NARS2: variants seen among roughly 807,000 people sequenced by gnomAD.
The protein encoded by NARS2 is asparaginyl-tRNA synthetase 2, mitochondrial.
In NARS2, 60 loss-of-function variants were observed where a neutral mutation model predicts 62.9. The ratio of observed to expected loss-of-function variants is 0.95; its 90% confidence interval spans 0.77 to 1.18. NARS2 has a LOEUF of 1.18. NARS2 is among the 50% of genes most tolerant of loss of function. NARS2 has a pLI of 0.00. For missense variants in NARS2, 619 were observed against 576.4 expected (o/e 1.07, Z -0.76); for synonymous variants, 196 against 200.0 (o/e 0.98, Z 0.17).
intron 11 of NARS2, among the ~76,000 whole-genome samples, chr11:78,450,366 A>G (rs1002542755): frequency 5.3e-5 from 8 of 152,238 alleles, no homozygotes; most frequent in African/African-American, 1.7e-4. Flanking sequence ...ATCTGGATAC[A>G]GTCCCACACC....
At chr11:78,533,741 T>C (rs908989351) in intron 5 of NARS2, among the ~76,000 whole-genome samples, 3 of 152,168 alleles carry the variant, frequency 2.0e-5, no homozygotes, top group African/African-American at 7.2e-5. Flanking sequence ...CTGACATGTA[T>C]CCACCACTAC....
At chr11:78,547,794 AAAT>A (rs1490197044) in intron 5 of NARS2, among the ~76,000 whole-genome samples, 2 of 152,228 alleles carry the variant, frequency 1.3e-5, no homozygotes, top group East Asian at 1.9e-4. Context: ...TGCCGTTAGA[AAAT>A]AATAATAAGT....
At position 78,468,262 on chromosome 11, in the gene NARS2, C is replaced by T. The variant is rs376003967; in HGVS notation, c.1026+985G>A. On this transcript the variant is annotated intron_variant, in intron 10 of 13. Transcript: ENST00000281038. ...GAGTGGCTCATAAACTAAAAGGCTC[C>T]GTAAAGTTCAACTGAAAAACAAACC... Among the ~76,000 whole-genome samples the T allele has an allele frequency of 4.1e-5, 5 of 123,224 alleles. 1 individual carries two copies. The highest frequency in any genetic ancestry group is 9.3e-5 in the Admixed American group (1 of 10,792). The allele number at this position is 123,224 out of a possible 152,430, so 80.8% of individuals were successfully genotyped here.
intron 6 of NARS2, among the ~76,000 whole-genome samples, chr11:78,505,049 C>A (rs11237525): frequency 6.7e-6 from 1 of 149,366 alleles, no homozygotes; most frequent in East Asian, 2.0e-4. Flanking sequence ...TAAATTTTTA[C>A]AATTTTGACT....
chr11:78,491,378 T>C (rs1440438449), intron 7 of NARS2, among the ~76,000 whole-genome samples: 2 of 75,212 alleles, frequency 2.7e-5, no homozygotes, highest in South Asian at 4.3e-4. Context: ...TGAAATGCTA[T>C]ATTGTGTGGC....
At chr11:78,437,638 A>T (rs1857448690) in intron 13 of NARS2, among the ~76,000 whole-genome samples, 1 of 152,178 alleles carries the variant, frequency 6.6e-6, no homozygotes, top group Non-Finnish European at 1.5e-5. Context: ...ATATTTTATT[A>T]TGTCATTTTG....
At chr11:78,528,235 T>C (rs1292045265) in intron 6 of NARS2, among the ~76,000 whole-genome samples, 1 of 151,906 alleles carries the variant, frequency 6.6e-6, no homozygotes, top group Non-Finnish European at 1.5e-5. Context: ...CTAAAAAAAA[T>C]AAAAATAAAT....
intron 5 of NARS2, among the ~76,000 whole-genome samples, chr11:78,559,301 CAAAAAAAAA>C (rs10627726): frequency 2.1e-4 from 12 of 58,446 alleles, no homozygotes; most frequent in Middle Eastern, 0.022. Context: ...GACTCCATCT[CAAAAAAAAA>C]AAAAAAAAAA....
intron 6 of NARS2, among the ~76,000 whole-genome samples, chr11:78,508,536 C>T (rs540230418): frequency 2.0e-5 from 3 of 150,760 alleles, no homozygotes; most frequent in Non-Finnish European, 4.4e-5. Context: ...TTGCAGTGAG[C>T]TGAGATCATG....
chr11:78,531,638 AAT>A (rs1273198681), intron 5 of NARS2, among the ~76,000 whole-genome samples: 1 of 152,220 alleles, frequency 6.6e-6, no homozygotes, highest in Non-Finnish European at 1.5e-5. Context: ...GAATAAACAA[AAT>A]ATGATATATA....
At chr11:78,558,214 AC>A (rs1434273516) in intron 5 of NARS2, 9 of 152,112 alleles carry the variant, frequency 5.9e-5, no homozygotes, top group African/African-American at 1.7e-4. Context: ...AGATGCTAAT[AC>A]CCCCACTCTA....
chr11:78,574,430 G>C lies in NARS2; in HGVS notation c.59C>G (p.Pro20Arg), dbSNP rs757009762. 1 of 1,614,152 alleles carries C rather than the reference G, an allele frequency of 6.2e-7. No individual in the cohort carries two copies. Among genetic ancestry groups the C allele is most frequent in the South Asian group, 1.1e-5 (1 of 91,088 alleles). ...CAGTTTGGCTGAAGGTTTGTGCTTGGGGAAGGGGGCGGAGGAACAGAAGCG... is the reference window on the plus strand; with the variant it reads ...CAGTTTGGCTGAAGGTTTGTGCTTGCGGAAGGGGGCGGAGGAACAGAAGCG... Reference protein sequence around the residue: ...SVRFCSSAPFPKHKPSAKLSV... With the variant: ...SVRFCSSAPFRKHKPSAKLSV... The change falls in exon 1 of 14, where the codon CCC becomes CGC. Residue 20 changes from proline (P) to arginine (R), a missense_variant. Coordinates refer to ENST00000281038, the MANE Select transcript of NARS2 (RefSeq NM_024678.6).
At chr11:78,478,513 A>G (rs1859206702) in intron 8 of NARS2, 38 bp from the exon 9 acceptor site, 1 of 1,240,844 alleles carries the variant, frequency 8.1e-7, no homozygotes, top group Non-Finnish European at 1.1e-6. Context: ...TTAAAAATAT[A>G]ATTTTATTCA....
intron 2 of NARS2, 23 bp downstream of exon 2, chr11:78,571,312 T>A: frequency 6.6e-7 from 1 of 1,511,084 alleles, no homozygotes; most frequent in Non-Finnish European, 9.2e-7. Context: ...AATCAAAGAA[T>A]TCTTTTAAAA....
intron 11 of NARS2, among the ~76,000 whole-genome samples, chr11:78,459,605 TTC>T (rs773805001): frequency 3.9e-5 from 6 of 152,174 alleles, no homozygotes; most frequent in African/African-American, 1.2e-4. Flanking sequence ...CCGCTTTCAC[TTC>T]TCTCTCATTC....
At chr11:78,441,839 C>T (rs1045733698) in intron 12 of NARS2, among the ~76,000 whole-genome samples, 2 of 152,160 alleles carry the variant, frequency 1.3e-5, no homozygotes, top group Admixed American at 6.5e-5. Flanking sequence ...GATTCTGAGG[C>T]TGCCTTCATA....
intron 5 of NARS2, among the ~76,000 whole-genome samples, chr11:78,532,378 C>A (rs1326695015): frequency 6.6e-6 from 1 of 151,876 alleles, no homozygotes; most frequent in African/African-American, 2.4e-5. Context: ...CATCTAAAAC[C>A]GCCAAGTGAT....
chr11:78,552,619 C>T (rs1394791111), intron 5 of NARS2, among the ~76,000 whole-genome samples: 1 of 152,186 alleles, frequency 6.6e-6, no homozygotes, highest in African/African-American at 2.4e-5. Flanking sequence ...TGATTGCCTC[C>T]TTTGGTGAGG....
chr11:78,475,580 CTTTTTTTTTTTTTTTTTT>C (rs377023107), intron 9 of NARS2, among the ~76,000 whole-genome samples: 3 of 93,976 alleles, frequency 3.2e-5, no homozygotes, highest in African/African-American at 8.4e-5. Context: ...TATCATTTGA[CTTTTTTTTTTTTTTTTTT>C]TTTTTTTTTT....
Sources: allele counts gnomAD v4.1 joint callset (sites outside exome capture counted in the v4.1 genomes callset), GRCh38; gene constraint gnomAD v4.1.1; transcripts MANE v1.5; gene names NCBI Gene and HGNC (gene_info 2026-07-23, HGNC 2026-07-21).